The following ABI3BP variants were observed in gnomAD, a reference collection of about 807,000 sequenced individuals.
ABI3BP encodes the protein ABI family member 3 binding protein, also known as target of Nesh-SH3.
A neutral mutation model predicts 268.6 loss-of-function variants in ABI3BP; 216 were observed. That is an observed-to-expected ratio of 0.80 (90% CI 0.72 to 0.90). ABI3BP has a LOEUF of 0.90. Ranked by LOEUF, ABI3BP falls within the 40% of genes least tolerant of loss-of-function variation. The pLI is 0.00. For missense variants in ABI3BP, 2,090 were observed against 2,182.4 expected (o/e 0.96, Z 0.84); for synonymous variants, 730 against 730.0 (o/e 1.00, Z 0.00).
At chr3:100,860,300 T>G (rs2098983808) in intron 14 of ABI3BP, among the ~76,000 whole-genome samples, 1 of 152,232 alleles carries the variant, frequency 6.6e-6, no homozygotes, top group South Asian at 2.1e-4. Flanking sequence ...AATGTTAATA[T>G]GTGCAATCAC....
intron 16 of ABI3BP, 118 bp from the exon 17 acceptor site, chr3:100,850,237 G>T: frequency 1.2e-6 from 1 of 840,008 alleles, no homozygotes; most frequent in Non-Finnish European, 1.9e-6. Flanking sequence ...GATTAAAGAT[G>T]AAAAATGCAT....
intron 2 of ABI3BP, among the ~76,000 whole-genome samples, chr3:100,906,561 ACT>A (rs1396541411): frequency 2.6e-5 from 4 of 152,236 alleles, no homozygotes; most frequent in African/African-American, 9.6e-5. Context: ...AATATATGTT[ACT>A]TCATTTAGAA....
chr3:100,874,349 TG>T (rs1408995416), intron 9 of ABI3BP, among the ~76,000 whole-genome samples: 1 of 152,212 alleles, frequency 6.6e-6, no homozygotes, highest in Non-Finnish European at 1.5e-5. Context: ...ATTTATTCCC[TG>T]GCCCTTTTTT....
intron 57 of ABI3BP, 43 bp downstream of exon 57, chr3:100,787,685 T>C (rs780563029): frequency 2.1e-5 from 30 of 1,412,624 alleles, no homozygotes; most frequent in African/African-American, 5.8e-5. Context: ...ATAACACTTA[T>C]AGTTTTGACA....
rs2098661366 is a variant in ABI3BP, at chr3:100,839,597, T to C, written c.1917A>G (p.Ile639Met). 1 of 1,535,860 alleles carries C rather than the reference T, an allele frequency of 6.5e-7. No homozygotes were observed. The highest frequency in any genetic ancestry group is 2.4e-5 in the East Asian group (1 of 40,912). The change falls in exon 24 of 68, where the codon ATA becomes ATG. Residue 639 changes from isoleucine to methionine, a missense_variant. Transcript: ENST00000471714. ...KSKPALEPATIQPEPLVPTTA... is the reference protein window; with the variant it reads ...KSKPALEPATMQPEPLVPTTA... ...TTGTGGGCACCAAGGGCTCCGGTTGTATCGTGGCAGGTTCCAGAGCTACAG... is the reference window on the plus strand; with the variant it reads ...TTGTGGGCACCAAGGGCTCCGGTTGCATCGTGGCAGGTTCCAGAGCTACAG...
At chr3:100,964,417 G>A (rs531560110) in intron 1 of ABI3BP, among the ~76,000 whole-genome samples, 18 of 152,228 alleles carry the variant, frequency 1.2e-4, no homozygotes, top group Non-Finnish European at 1.9e-4. Context: ...GGCATCCGCC[G>A]CCAGCCGGTC....
intron 36 of ABI3BP, 88 bp from the exon 37 acceptor site, chr3:100,823,602 C>A: frequency 6.4e-6 from 6 of 939,928 alleles, no homozygotes; most frequent in Admixed American, 3.0e-5. Flanking sequence ...ACTGGTATGT[C>A]AATTCTTCCA....
intron 1 of ABI3BP, among the ~76,000 whole-genome samples, chr3:100,937,656 T>G (rs1189374717): frequency 6.6e-6 from 1 of 152,018 alleles, no homozygotes; most frequent in Non-Finnish European, 1.5e-5. Flanking sequence ...TTTAATAGGG[T>G]CTAATATTAT....
chr3:100,914,987 C>T (rs914316208), intron 2 of ABI3BP, among the ~76,000 whole-genome samples: 2 of 152,098 alleles, frequency 1.3e-5, no homozygotes, highest in Admixed American at 1.3e-4. Context: ...TTTGCAGGGT[C>T]GGATGCAAAA....
In ABI3BP at chr3:100,792,721, G is replaced by A. The variant is rs368150908; in HGVS notation, c.3994C>T (p.Arg1332Ter). ...TQEPFTTKIP[R>*]TTELAKTTQA... ...GTTGTCTTTGCTAGTTCAGTTGTTC[G>A]TGGAATCTTAGTTGTGAAAGGTTCT... Residue 1332 changes from arginine (R) to a stop codon, truncating the protein, a stop_gained, in exon 55 of 68, where the codon CGA becomes TGA. Transcript: ENST00000471714. LOFTEE classifies it high-confidence loss of function. 6.5e-5 allele frequency: 104 copies of A among 1,611,558 alleles called. No individual in the cohort carries two copies. Among genetic ancestry groups the A allele is most frequent in the South Asian group, 6.2e-4 (56 of 91,014 alleles).
chr3:100,771,062 T>G (rs2096531132), intron 61 of ABI3BP, 110 bp from the exon 62 acceptor site: 1 of 1,000,270 alleles, frequency 1.0e-6, no homozygotes, highest in African/African-American at 1.7e-5. Flanking sequence ...TATAAGCGGA[T>G]GGTTGAAAGC....
At chr3:100,834,615 T>C in intron 29 of ABI3BP, 69 bp downstream of exon 29, 1 of 1,431,374 alleles carries the variant, frequency 7.0e-7, no homozygotes, top group Non-Finnish European at 9.5e-7. Context: ...TAAAGTGGCA[T>C]GTTAAACTGC....
intron 2 of ABI3BP, among the ~76,000 whole-genome samples, chr3:100,913,411 ACAG>A (rs1253010193): frequency 6.6e-6 from 1 of 152,220 alleles, no homozygotes. Flanking sequence ...AAAGGCCAGA[ACAG>A]CAGCAACTGA....
At chr3:100,851,309 G>A (rs772960079) in intron 15 of ABI3BP, among the ~76,000 whole-genome samples, 4 of 152,140 alleles carry the variant, frequency 2.6e-5, no homozygotes, top group Non-Finnish European at 5.9e-5. Flanking sequence ...TGCTACAGCC[G>A]AATGAATTAT....
chr3:100,756,931 AT>A (rs1156487098), intron 63 of ABI3BP, among the ~76,000 whole-genome samples: 2 of 152,038 alleles, frequency 1.3e-5, no homozygotes, highest in Admixed American at 1.3e-4. Flanking sequence ...TGTTGGTAAA[AT>A]TTTTTCTGAA....
chr3:100,813,670 TTTC>T lies in ABI3BP; in HGVS notation c.3352_3354del (p.Glu1118del). 6.5e-7 allele frequency: 1 copy of T among 1,535,164 alleles called. No individual in the cohort carries two copies. Among genetic ancestry groups the T allele is most frequent in the Non-Finnish European group, 8.7e-7 (1 of 1,146,166 alleles). On this transcript the variant is annotated inframe_deletion, in exon 45 of 68. Coordinates refer to ENST00000471714, the MANE Select transcript of ABI3BP (RefSeq NM_001375547.2). Reference sequence around the variant, plus strand: ...AAAACAATCTATTTACCAGGTTGACTTTCTGTCATTTCTAGGCTTGGTGATGTC... The same window carrying T: ...AAAACAATCTATTTACCAGGTTGACTTGTCATTTCTAGGCTTGGTGATGTC...
At chr3:100,927,543 A>G (rs2062178959) in intron 1 of ABI3BP, among the ~76,000 whole-genome samples, 1 of 152,212 alleles carries the variant, frequency 6.6e-6, no homozygotes. Context: ...CTGTACAGGA[A>G]GCATGGCTGG....
intron 63 of ABI3BP, among the ~76,000 whole-genome samples, chr3:100,760,413 A>G (rs2095872120): frequency 6.6e-6 from 1 of 152,234 alleles, no homozygotes; most frequent in African/African-American, 2.4e-5. Flanking sequence ...TTCATTAGGA[A>G]GAACTCCGTC....
chr3:100,892,024 A>G (rs2153440009), intron 4 of ABI3BP, among the ~76,000 whole-genome samples: 1 of 152,340 alleles, frequency 6.6e-6, no homozygotes, highest in East Asian at 1.9e-4. Context: ...ACTTCAGGAC[A>G]TACTACCCAG....
Sources: gnomAD v4.1 joint callset for allele counts (sites outside exome capture counted in the v4.1 genomes callset) on GRCh38, gnomAD v4.1.1 for gene constraint, MANE v1.5 for transcripts, NCBI Gene and HGNC (gene_info 2026-07-23, HGNC 2026-07-21) for gene names.